Variants in CROCC2 observed in about 807,000 individuals in gnomAD.
CROCC2 encodes ciliary rootlet coiled-coil, rootletin family member 2, also known as ciliary rootlet coiled-coil protein 2.
Under a neutral mutation model 177.6 loss-of-function variants are expected in CROCC2, and 163 were observed. That is an observed-to-expected ratio of 0.92 (90% CI 0.81 to 1.05). CROCC2 has a LOEUF of 1.05. Among genes scored for constraint, CROCC2 ranks in the 50% least tolerant of loss-of-function variants. The pLI is 0.00. For missense variants in CROCC2, 1,929 were observed against 1,797.8 expected, an observed-to-expected ratio of 1.07 and a Z score of -1.32; for synonymous variants, 904 against 787.3, an observed-to-expected ratio of 1.15 and a Z score of -2.48.
intron 18 of CROCC2, among the ~76,000 whole-genome samples, chr2:240,954,056 G>A (rs2106472318): frequency 6.6e-6 from 1 of 152,300 alleles, no homozygotes; most frequent in South Asian, 2.1e-4. Flanking sequence ...TTTATAAACA[G>A]CCAACCGGCC....
chr2:240,967,392 G>A lies in CROCC2; in HGVS notation c.4194G>A (p.Glu1398=). The change falls in exon 26 of 32, where the codon GAG becomes GAA. Residue 1398 remains glutamate, a synonymous_variant. Transcript: ENST00000690015. ...CGACCCTGAGCAGCCGGCTGAGCGA[G>A]GCAGAGTGCAGGTGTGCCCGGGCCC... The part of the protein sequence containing the change: ...QMATLSSRLS[E]AECRCARAQS... The A allele has an allele frequency of 2.3e-6, 2 of 861,762 alleles. No individual in the cohort carries two copies. Among genetic ancestry groups the A allele is most frequent in the Non-Finnish European group, 3.9e-6 (2 of 518,104 alleles). The allele number at this position is 861,762 out of a possible 1,614,324, so 53.4% of individuals were successfully genotyped here.
rs562755006 is a variant in CROCC2, at chr2:240,950,016, G to A, written c.2652+314G>A. Reference sequence around the variant, plus strand: ...AGGGGGCCCCACACCCATTAGAGCCGTCCCACAGGTCACAGGCTTCTGGAG... The same window carrying A: ...AGGGGGCCCCACACCCATTAGAGCCATCCCACAGGTCACAGGCTTCTGGAG... On this transcript the variant is annotated intron_variant, in intron 17 of 31. Coordinates refer to ENST00000690015, the MANE Select transcript of CROCC2 (RefSeq NM_001351305.2). Among the ~76,000 whole-genome samples, 10 of 152,314 alleles carry A rather than the reference G, an allele frequency of 6.6e-5. No homozygotes were observed. In the East Asian group the frequency reaches 7.7e-4, roughly 12 times the overall value.
intron 3 of CROCC2, among the ~76,000 whole-genome samples, chr2:240,921,864 C>A (rs1185620128): frequency 6.6e-6 from 1 of 152,252 alleles, no homozygotes; most frequent in Non-Finnish European, 1.5e-5. Context: ...CTCCCCTCCA[C>A]CCCTCCACCT....
chr2:240,933,653 G>T lies in CROCC2; in HGVS notation c.1464-17G>T, dbSNP rs1574759480. Reference sequence around the variant, plus strand: ...ATGTGTCCAGGGCCGCCCCAACTCTGCCCCCACCATCCCCAGGGAGAAGGC... The same window carrying T: ...ATGTGTCCAGGGCCGCCCCAACTCTTCCCCCACCATCCCCAGGGAGAAGGC... On this transcript the variant is annotated splice_polypyrimidine_tract_variant and intron_variant, in intron 10 of 31. Coordinates refer to ENST00000690015, the MANE Select transcript of CROCC2 (RefSeq NM_001351305.2). 1 of 1,549,014 alleles carries T rather than the reference G, an allele frequency of 6.5e-7. No homozygotes were observed. The highest frequency in any genetic ancestry group is 8.7e-7 in the Non-Finnish European group (1 of 1,145,902).
Position 240,949,831 on chromosome 2 carries a change from C to T in CROCC2, c.2652+129C>T. On this transcript the variant is annotated intron_variant, in intron 17 of 31. Transcript: ENST00000690015. The surrounding 1 kb of genome is among the most constrained non-coding windows in gnomAD (Gnocchi z 4.5). ...ACATAGGCGCCTGGCCAGGGCTGGGCAAGGACCAGCTCACTCTTTATAGTT... is the reference window on the plus strand; with the variant it reads ...ACATAGGCGCCTGGCCAGGGCTGGGTAAGGACCAGCTCACTCTTTATAGTT... 2 of 940,990 alleles carry T rather than the reference C, an allele frequency of 2.1e-6. No homozygotes were observed. Among genetic ancestry groups the T allele is most frequent in the Non-Finnish European group, 3.1e-6 (2 of 635,914 alleles). 58.3% of individuals were successfully genotyped at this position (940,990 alleles called of 1,614,324 possible). A position where few individuals can be genotyped will look rare whatever the true frequency, so the allele number is the denominator to read the frequency against.
intron 14 of CROCC2, among the ~76,000 whole-genome samples, chr2:240,943,549 G>A (rs1242888734): frequency 6.6e-6 from 1 of 150,798 alleles, no homozygotes; most frequent in East Asian, 2.0e-4. Context: ...GTGCAATGGG[G>A]TGATCTCGGC....
intron 19 of CROCC2, chr2:240,956,267 A>G: frequency 2.2e-6 from 1 of 454,256 alleles, no homozygotes; most frequent in Non-Finnish European, 4.0e-6. Flanking sequence ...GGGGCCTCCC[A>G]TGAGCCAACA....
rs1182824543 is a variant in CROCC2, at chr2:240,987,262, A to G, written c.4552-1477A>G. Among the ~76,000 whole-genome samples the G allele has an allele frequency of 3.3e-5, 5 of 151,970 alleles. No individual in the cohort carries two copies. The East Asian group carries it at 9.7e-4, about 30-fold the overall frequency. On this transcript the variant is annotated intron_variant, in intron 28 of 31. Transcript: ENST00000690015. Reference sequence around the variant, plus strand: ...CACCGTGAGTCCCTGGAGCCTGAGGAGGGGGAGGGAAGGAACAGCTAATGA... The same window carrying G: ...CACCGTGAGTCCCTGGAGCCTGAGGGGGGGGAGGGAAGGAACAGCTAATGA...
rs1259026110 is a variant in CROCC2, at chr2:240,949,084, G to A, written c.2469G>A (p.Arg823=). The change falls in exon 16 of 32, where the codon CGG becomes CGA. Residue 823 remains arginine (R), a synonymous_variant. Transcript: ENST00000690015. The surrounding 1 kb of genome is among the most constrained non-coding windows in gnomAD (Gnocchi z 4.5). ...AAGCCCGGAGCGCAGGACTCGCGCG[G>A]CAGGCCTTGCAAGGTGCTCCAAGGG... The part of the protein sequence containing the change: ...EEEARSAGLA[R]QALQVEMEQL... 6.5e-7 allele frequency: 1 copy of A among 1,543,012 alleles called. No homozygotes were observed. The highest frequency in any genetic ancestry group is 2.4e-5 in the East Asian group (1 of 40,864).
intron 30 of CROCC2, among the ~76,000 whole-genome samples, chr2:240,990,934 A>C (rs764473742): frequency 6.6e-5 from 10 of 152,206 alleles, no homozygotes; most frequent in Non-Finnish European, 1.0e-4. Context: ...CCATCCACCA[A>C]GGGTGCGCGG....
rs2059621238 is a variant in CROCC2, at chr2:240,960,060, G to A, written c.3087+616G>A. 6.6e-6 allele frequency among the ~76,000 whole-genome samples: 1 copy of A among 152,250 alleles called. No individual in the cohort carries two copies. The highest frequency in any genetic ancestry group is 6.5e-5 in the Admixed American group (1 of 15,288). Reference sequence around the variant, plus strand: ...CGCACAGTTAAGAAAGTGGAGTCAGGAAGGGCCTGACTCTGGAGGCACTGG... The same window carrying A: ...CGCACAGTTAAGAAAGTGGAGTCAGAAAGGGCCTGACTCTGGAGGCACTGG... On this transcript the variant is annotated intron_variant, in intron 20 of 31. Transcript: ENST00000690015. This position sits in a 1 kb window ranked among gnomAD's most constrained non-coding sequence, Gnocchi z 5.0.
chr2:240,983,763 C>T (rs1210277790), intron 28 of CROCC2: 1 of 509,998 alleles, frequency 2.0e-6, no homozygotes, highest in South Asian at 1.9e-5. Flanking sequence ...GTCGTGTGCG[C>T]CCTGCCTTGG....
chr2:240,914,879 G>T (rs1399887077), intron 1 of CROCC2, among the ~76,000 whole-genome samples: 1 of 152,350 alleles, frequency 6.6e-6, no homozygotes, highest in South Asian at 2.1e-4. Flanking sequence ...TGGCTTTGAC[G>T]AGGGTGTGGG....
At chr2:240,929,886 G>A (rs1264859899) in intron 5 of CROCC2, among the ~76,000 whole-genome samples, 2 of 152,162 alleles carry the variant, frequency 1.3e-5, no homozygotes, top group African/African-American at 2.4e-5. Flanking sequence ...TCTCTTCAGG[G>A]GCCCACGCAC....
Position 240,982,771 on chromosome 2 carries a change from G to T in CROCC2, c.4402-109G>T. The T allele has an allele frequency of 1.1e-6, 1 of 922,656 alleles. No homozygotes were observed. The allele number at this position is 922,656 out of a possible 1,614,324, so 57.2% of individuals were successfully genotyped here. A position where few individuals can be genotyped will look rare whatever the true frequency, so the allele number is the denominator to read the frequency against. On this transcript the variant is annotated intron_variant, in intron 27 of 31. Transcript: ENST00000690015. The surrounding 1 kb of genome is among the most constrained non-coding windows in gnomAD (Gnocchi z 4.7). ...ACGTTCTTGCTGTTTTCATCCCAGC[G>T]ATACGGTCCTGCCAGACGGTCTAGG...
Position 240,918,816 on chromosome 2 carries a change from C to T in CROCC2, c.169C>T (p.Pro57Ser). 1 of 623,370 alleles carries T rather than the reference C, an allele frequency of 1.6e-6. No individual in the cohort carries two copies. The highest frequency in any genetic ancestry group is 2.7e-5 in the Admixed American group (1 of 36,734). 38.6% of individuals were successfully genotyped at this position (623,370 alleles called of 1,614,324 possible). A position where few individuals can be genotyped will look rare whatever the true frequency, so the allele number is the denominator to read the frequency against. Residue 57 changes from proline to serine, a missense_variant, in exon 2 of 32, where the codon CCC becomes TCC. Coordinates refer to ENST00000690015, the MANE Select transcript of CROCC2 (RefSeq NM_001351305.2). This position sits in a 1 kb window ranked among gnomAD's most constrained non-coding sequence, Gnocchi z 6.3. ...RGEGRQASPT[P>S]VPTRIREIVA... ...GGAAGGCCGGCAGGCCTCGCCCACCCCCGTGCCCACCCGCATCCGTGAGAT... is the reference window on the plus strand; with the variant it reads ...GGAAGGCCGGCAGGCCTCGCCCACCTCCGTGCCCACCCGCATCCGTGAGAT...
Position 240,972,560 on chromosome 2 carries a change from G to A in CROCC2, c.4401+4298G>A, listed in dbSNP as rs1191271096. On this transcript the variant is annotated intron_variant, in intron 27 of 31. Coordinates refer to ENST00000690015, the MANE Select transcript of CROCC2 (RefSeq NM_001351305.2). The surrounding 1 kb of genome is among the most constrained non-coding windows in gnomAD (Gnocchi z 7.1). ...TCTGAGTCAGGGTATGGGGACATGGGGGTCCAACTTTGGGTCTCCACAATG... is the reference window on the plus strand; with the variant it reads ...TCTGAGTCAGGGTATGGGGACATGGAGGTCCAACTTTGGGTCTCCACAATG... Among the ~76,000 whole-genome samples, 2 of 151,944 alleles carry A rather than the reference G, an allele frequency of 1.3e-5. No homozygotes were observed. The highest frequency in any genetic ancestry group is 2.9e-5 in the Non-Finnish European group (2 of 67,998).
At chr2:240,989,592 C>T in intron 29 of CROCC2, 62 bp from the exon 30 acceptor site, 1 of 1,466,718 alleles carries the variant, frequency 6.8e-7, no homozygotes, top group Non-Finnish European at 9.2e-7. Flanking sequence ...GCACTCCTGC[C>T]CTGGGATTCT....
rs150154612 is a variant in CROCC2 at position 240,965,906 on chromosome 2, C to T, written c.3874C>T (p.Arg1292Trp). ...GCAGGATGCGGAGGCCCAGCTGGGC[C>T]GGCTGTGCTCCACGCTCCGCCGTGG... is the stretch of plus-strand genomic sequence containing the variant. ...ARQDAEAQLG[R>W]LCSTLRRGLG... is the part of the protein sequence containing the mutation. The change falls in exon 24 of 32, where the codon CGG (arginine) becomes TGG (tryptophan). Residue 1292 changes from arginine (R) to tryptophan (W), a missense_variant. Physicochemically the swap from Arg to Trp is moderately radical, Grantham distance 101. Around this residue, in one of 3 missense-constraint regions of CROCC2, gnomAD observed 144 missense variants for 205.2 expected, o/e 0.70. Transcript: ENST00000690015. 325 of 1,428,594 alleles carry T rather than the reference C, an allele frequency of 2.3e-4. No homozygotes were observed. In the African/African-American group the frequency reaches 2.5e-3, roughly 11 times the overall value. 88.5% of individuals were successfully genotyped at this position (1,428,594 alleles called of 1,614,324 possible).
Sources: gnomAD v4.1 joint callset for allele counts (sites outside exome capture counted in the v4.1 genomes callset) on GRCh38, gnomAD v4.1.1 for gene constraint, gnomAD v4.1.1 regional missense constraint, Gnocchi (gnomAD v3.1) non-coding constraint, MANE v1.5 for transcripts, NCBI Gene and HGNC (gene_info 2026-07-23, HGNC 2026-07-21) for gene names.